HSD17B12: variants seen among roughly 807,000 people sequenced by gnomAD.
HSD17B12 encodes the protein hydroxysteroid 17-beta dehydrogenase 12.
Under a neutral mutation model 39.3 loss-of-function variants are expected in HSD17B12, and 32 were observed. The observed-to-expected ratio is 0.81, with a 90% CI of 0.61 to 1.09. The LOEUF (loss-of-function observed/expected upper bound fraction) is 1.09, where lower values mean the gene tolerates loss of function less well. Among genes scored for constraint, HSD17B12 ranks in the 50% least tolerant of loss-of-function variants. HSD17B12 has a pLI of 0.00. For missense variants in HSD17B12, 342 were observed against 382.9 expected, an observed-to-expected ratio of 0.89 and a Z score of 0.89; for synonymous variants, 150 against 146.7, an observed-to-expected ratio of 1.02 and a Z score of -0.16.
At chr11:43,568,202 C>A in the HSD17B12 span, among the ~76,000 whole-genome samples, 4 of 152,112 alleles carry the variant, frequency 2.6e-5, no homozygotes, top group African/African-American at 9.7e-5. Context: ...TGGTTTCAAG[C>A]AATCTTCCCA....
intron 1 of HSD17B12, among the ~76,000 whole-genome samples, chr11:43,732,105 C>T (rs922548294): frequency 2.6e-5 from 4 of 152,096 alleles, no homozygotes; most frequent in Non-Finnish European, 4.4e-5. Context: ...TGGTTACCTC[C>T]ATGCTGTTCT....
At chr11:43,575,600 G>C in the HSD17B12 span, among the ~76,000 whole-genome samples, 1 of 152,222 alleles carries the variant, frequency 6.6e-6, no homozygotes, top group Non-Finnish European at 1.5e-5. This position sits in a 1 kb window ranked among gnomAD's most constrained non-coding sequence, Gnocchi z 4.1. Flanking sequence ...CCCAGCCCAA[G>C]CCTGGGGTGG....
At chr11:43,811,261 C>T (rs1257197484) in intron 4 of HSD17B12, among the ~76,000 whole-genome samples, 1 of 152,128 alleles carries the variant, frequency 6.6e-6, no homozygotes, top group Non-Finnish European at 1.5e-5. Context: ...AGTTTTTTCT[C>T]TATACTCCTA....
chr11:43,590,353 T>G, the HSD17B12 span, among the ~76,000 whole-genome samples: 3 of 150,572 alleles, frequency 2.0e-5, no homozygotes, highest in African/African-American at 7.4e-5. Context: ...CCTTAAAATT[T>G]TAATACCTCA....
the HSD17B12 span, chr11:43,579,019 C>G: frequency 1.3e-5 from 2 of 149,520 alleles, no homozygotes; most frequent in African/African-American, 2.5e-5. Context: ...ACAGTTCATT[C>G]CGAACTGAGA....
chr11:43,652,993 TC>T, the HSD17B12 span, among the ~76,000 whole-genome samples: 3 of 152,118 alleles, frequency 2.0e-5, no homozygotes, highest in African/African-American at 7.2e-5. Flanking sequence ...TTTTTTTTCT[TC>T]CAGGGTATGG....
At chr11:43,793,191 T>A (rs990099965) in intron 3 of HSD17B12, among the ~76,000 whole-genome samples, 2 of 152,142 alleles carry the variant, frequency 1.3e-5, no homozygotes, top group African/African-American at 4.8e-5. Context: ...GAAAAATATG[T>A]CCACGGATGC....
At chr11:43,648,118 A>G in the HSD17B12 span, among the ~76,000 whole-genome samples, 6 of 152,186 alleles carry the variant, frequency 3.9e-5, no homozygotes, top group African/African-American at 1.2e-4. Context: ...AAAATCATAA[A>G]TAATCATTTT....
chr11:43,618,895 T>C, the HSD17B12 span, among the ~76,000 whole-genome samples: 1 of 151,922 alleles, frequency 6.6e-6, no homozygotes, highest in Non-Finnish European at 1.5e-5. Flanking sequence ...CACAGTTTTA[T>C]TGTCTTTGAA....
chr11:43,722,481 G>A (rs978328182), intron 1 of HSD17B12, among the ~76,000 whole-genome samples: 1 of 152,044 alleles, frequency 6.6e-6, no homozygotes, highest in Non-Finnish European at 1.5e-5. Context: ...GGAGGCTGAA[G>A]CGGAAGGATT....
intron 1 of HSD17B12, among the ~76,000 whole-genome samples, chr11:43,703,749 G>T (rs1949988772): frequency 6.6e-6 from 1 of 151,958 alleles, no homozygotes; most frequent in East Asian, 1.9e-4. Context: ...AATTTCTGCA[G>T]TATCATTTGT....
At chr11:43,810,958 C>T (rs1335997917) in intron 4 of HSD17B12, among the ~76,000 whole-genome samples, 1 of 152,162 alleles carries the variant, frequency 6.6e-6, no homozygotes, top group Non-Finnish European at 1.5e-5. Context: ...AATGTTGGAG[C>T]AACATGTGCC....
At chr11:43,802,036 A>T (rs1363450209) in intron 4 of HSD17B12, among the ~76,000 whole-genome samples, 1 of 151,660 alleles carries the variant, frequency 6.6e-6, no homozygotes, top group Admixed American at 6.6e-5. Context: ...CCCAGGCTGG[A>T]GTGCAGTGGC....
intron 1 of HSD17B12, among the ~76,000 whole-genome samples, chr11:43,729,192 A>G (rs1950247198): frequency 6.6e-6 from 1 of 152,220 alleles, no homozygotes; most frequent in Admixed American, 6.5e-5. Context: ...CATTTAAAGA[A>G]TTGTTTCAGA....
At chr11:43,681,806 T>C (rs577632709) in intron 1 of HSD17B12, among the ~76,000 whole-genome samples, 4 of 151,798 alleles carry the variant, frequency 2.6e-5, no homozygotes, top group African/African-American at 4.8e-5. Flanking sequence ...GGGAAAATTA[T>C]CTGCAGGGAA....
At chr11:43,784,703 C>G (rs1382321233) in intron 3 of HSD17B12, among the ~76,000 whole-genome samples, 1 of 152,132 alleles carries the variant, frequency 6.6e-6, no homozygotes, top group East Asian at 1.9e-4. Flanking sequence ...GTTCTTATTA[C>G]TAGCAGTATA....
At chr11:43,631,603 C>T in the HSD17B12 span, among the ~76,000 whole-genome samples, 1 of 129,562 alleles carries the variant, frequency 7.7e-6, no homozygotes, top group Non-Finnish European at 1.7e-5. Context: ...CTCTCTCTCT[C>T]TCTCTGTCTC....
In HSD17B12 at chr11:43,742,754, G is replaced by T. The variant is rs541252292; in HGVS notation, c.161-8157G>T. Among the ~76,000 whole-genome samples the T allele has an allele frequency of 6.8e-3, 1,020 of 150,400 alleles. 7 individuals carry two copies. Among genetic ancestry groups the T allele is most frequent in the East Asian group, 0.043 (220 of 5,136 alleles). ...GGCCCAGGATTTCCAGTTTTTTTGTGTGTGTGTTTTTTTTTTGTGCCCATA... is the reference window on the plus strand; with the variant it reads ...GGCCCAGGATTTCCAGTTTTTTTGTTTGTGTGTTTTTTTTTTGTGCCCATA... On this transcript the variant is annotated intron_variant, in intron 1 of 10. Transcript: ENST00000278353.
At position 43,735,954 on chromosome 11, in the gene HSD17B12, G is replaced by A. The variant is rs1299709520; in HGVS notation, c.161-14957G>A. 3.3e-5 allele frequency among the ~76,000 whole-genome samples: 5 copies of A among 152,166 alleles called. No individual in the cohort carries two copies. In the East Asian group the frequency reaches 5.8e-4, roughly 18 times the overall value. ...CCACTCACTGTCACGAGAACAGCATGAGAATTCCTATTTTCATGAGGCCCC... is the reference window on the plus strand; with the variant it reads ...CCACTCACTGTCACGAGAACAGCATAAGAATTCCTATTTTCATGAGGCCCC... On this transcript the variant is annotated intron_variant, in intron 1 of 10. Coordinates refer to ENST00000278353, the MANE Select transcript of HSD17B12 (RefSeq NM_016142.3).
Sources: gnomAD v4.1 joint callset for allele counts (sites outside exome capture counted in the v4.1 genomes callset) on GRCh38, gnomAD v4.1.1 for gene constraint, Gnocchi (gnomAD v3.1) non-coding constraint, MANE v1.5 for transcripts, NCBI Gene and HGNC (gene_info 2026-07-23, HGNC 2026-07-21) for gene names.